Variants in FAM184A observed in about 807,000 individuals in gnomAD.
The protein encoded by FAM184A is protein FAM184A.
In FAM184A, 99 loss-of-function variants were observed where a neutral mutation model predicts 143.8. The ratio of observed to expected loss-of-function variants is 0.69; its 90% confidence interval spans 0.58 to 0.81. FAM184A has a LOEUF of 0.81. Among genes scored for constraint, FAM184A ranks in the 40% least tolerant of loss-of-function variants. The pLI is 0.00. For missense variants in FAM184A, 1,217 were observed against 1,310.5 expected (o/e 0.93, Z 1.10); for synonymous variants, 427 against 446.4 (o/e 0.96, Z 0.55).
At chr6:119,106,388 G>A (rs1036825007) in intron 1 of FAM184A, among the ~76,000 whole-genome samples, 5 of 152,062 alleles carry the variant, frequency 3.3e-5, no homozygotes, top group South Asian at 2.1e-4. Context: ...GCGAGACTCC[G>A]TCTCAAAACA....
At chr6:119,034,041 T>TATATATAGAGAG (rs1409214932) in intron 1 of FAM184A, among the ~76,000 whole-genome samples, 7 of 42,006 alleles carry the variant, frequency 1.7e-4, no homozygotes, top group African/African-American at 7.4e-4. Flanking sequence ...TATATATATA[T>TATATATAGAGAG]AGAGAGAGAG....
chr6:119,128,904 G>C (rs1173155928), intron 1 of FAM184A, among the ~76,000 whole-genome samples: 1 of 150,978 alleles, frequency 6.6e-6, no homozygotes, highest in Admixed American at 6.6e-5. Flanking sequence ...TTTTTCCGGA[G>C]AGCCTGACAC....
chr6:119,143,509 C>T (rs1191919940), intron 1 of FAM184A, among the ~76,000 whole-genome samples: 2 of 152,206 alleles, frequency 1.3e-5, no homozygotes, highest in Non-Finnish European at 2.9e-5. Context: ...GATATTTGTG[C>T]ACTCGTGTAC....
At chr6:119,039,452 T>G (rs1786236207) in intron 1 of FAM184A, among the ~76,000 whole-genome samples, 1 of 152,180 alleles carries the variant, frequency 6.6e-6, no homozygotes, top group Non-Finnish European at 1.5e-5. Flanking sequence ...TAAAAAGAAA[T>G]GAACGATCAA....
chr6:119,034,579 T>TAA (rs200951968), intron 1 of FAM184A, among the ~76,000 whole-genome samples: 7 of 100,898 alleles, frequency 6.9e-5, no homozygotes, highest in Admixed American at 1.2e-4. Flanking sequence ...TTTTTTTTTT[T>TAA]TAAAAAAACC....
intron 1 of FAM184A, among the ~76,000 whole-genome samples, chr6:119,123,710 A>T (rs1166116757): frequency 6.6e-6 from 1 of 152,106 alleles, no homozygotes; most frequent in Non-Finnish European, 1.5e-5. Context: ...GGAGGCTTGG[A>T]GTTTTATTTT....
intron 1 of FAM184A, among the ~76,000 whole-genome samples, chr6:119,129,578 G>A (rs185066394): frequency 6.6e-6 from 1 of 152,132 alleles, no homozygotes; most frequent in Non-Finnish European, 1.5e-5. Flanking sequence ...GAACCAGAGG[G>A]ATTAGGCATT....
intron 1 of FAM184A, among the ~76,000 whole-genome samples, chr6:119,134,463 G>C (rs562539338): frequency 6.6e-6 from 1 of 152,130 alleles, no homozygotes; most frequent in South Asian, 2.1e-4. Context: ...ACCAGCCTGA[G>C]CAATGTAGAG....
intron 1 of FAM184A, among the ~76,000 whole-genome samples, chr6:119,064,601 G>A (rs1348553266): frequency 6.6e-6 from 1 of 152,184 alleles, no homozygotes; most frequent in African/African-American, 2.4e-5. Context: ...AGCTGTTCAA[G>A]AGGCTGAGGT....
At chr6:119,115,316 G>A (rs981508604) in intron 1 of FAM184A, among the ~76,000 whole-genome samples, 5 of 151,802 alleles carry the variant, frequency 3.3e-5, no homozygotes, top group African/African-American at 7.3e-5. Context: ...AATAAGATAC[G>A]GCTCATATGC....
Position 119,134,443 on chromosome 6 carries a change from G to A in FAM184A, c.-202+14635C>T, listed in dbSNP as rs528959699. 5.3e-5 allele frequency among the ~76,000 whole-genome samples: 8 copies of A among 152,060 alleles called. No individual in the cohort carries two copies. In the South Asian group the frequency reaches 1.5e-3, roughly 28 times the overall value. On this transcript the variant is annotated intron_variant, in intron 1 of 16. Coordinates refer to the FAM184A transcript ENST00000352896. ...AAGATGAGAGGATTGCTTGAGTCCC[G>A]AAGTTTGAGACCAGCCTGAGCAATG...
At position 119,003,380 on chromosome 6, in the gene FAM184A, A is replaced by G. The variant is rs1784822963; in HGVS notation, c.1937+121T>C. The G allele has an allele frequency of 3.1e-6, 3 of 981,202 alleles. No homozygotes were observed. In the African/African-American group the frequency reaches 5.0e-5, roughly 16 times the overall value. 60.8% of individuals were successfully genotyped at this position (981,202 alleles called of 1,614,324 possible). ...AAATCCAATTTCTCTGTCTCTAATC[A>G]CAGGAAATTTTAATTTAAAATACTG... On this transcript the variant is annotated intron_variant, in intron 8 of 17. Coordinates refer to ENST00000338891, the MANE Select transcript of FAM184A (RefSeq NM_024581.6).
intron 9 of FAM184A, among the ~76,000 whole-genome samples, chr6:118,983,734 T>A (rs1784088609): frequency 6.6e-6 from 1 of 152,170 alleles, no homozygotes; most frequent in South Asian, 2.1e-4. Context: ...ACTGCACTGA[T>A]AGTAATTGCC....
intron 9 of FAM184A, among the ~76,000 whole-genome samples, chr6:119,000,470 T>C (rs1464598602): frequency 6.6e-6 from 1 of 152,098 alleles, no homozygotes; most frequent in Non-Finnish European, 1.5e-5. Context: ...AGAATGAAAA[T>C]AATAGCTTTT....
intron 14 of FAM184A, among the ~76,000 whole-genome samples, chr6:118,970,097 G>A (rs1327210568): frequency 7.0e-6 from 1 of 143,520 alleles, no homozygotes; most frequent in African/African-American, 2.6e-5. Context: ...TCCACCTCCC[G>A]GGTCCAGGCG....
At chr6:118,971,314 T>C (rs1783689521) in intron 14 of FAM184A, among the ~76,000 whole-genome samples, 1 of 152,186 alleles carries the variant, frequency 6.6e-6, no homozygotes, top group African/African-American at 2.4e-5. Context: ...AAATTAGTAA[T>C]TCAGGTGTGG....
chr6:119,137,622 G>T (rs534204394), intron 1 of FAM184A, among the ~76,000 whole-genome samples: 247 of 152,250 alleles, frequency 1.6e-3, no homozygotes, highest in African/African-American at 5.5e-3. Flanking sequence ...ACTCATTTTT[G>T]ATAATCTTCT....
chr6:119,047,683 A>T (rs1350624819), intron 1 of FAM184A, among the ~76,000 whole-genome samples: 1 of 152,308 alleles, frequency 6.6e-6, no homozygotes, highest in South Asian at 2.1e-4. Flanking sequence ...CCAGGAAGAA[A>T]TTGATTCCCT....
chr6:119,019,703 A>G (rs1785378135), intron 4 of FAM184A, among the ~76,000 whole-genome samples: 1 of 152,244 alleles, frequency 6.6e-6, no homozygotes. Context: ...CACTCCACTG[A>G]AATAAGAGTT....
Sources: gnomAD v4.1 joint callset for allele counts (sites outside exome capture counted in the v4.1 genomes callset) on GRCh38, gnomAD v4.1.1 for gene constraint, MANE v1.5 for transcripts, NCBI Gene and HGNC (gene_info 2026-07-23, HGNC 2026-07-21) for gene names.